The following ABCC9 variants were observed in gnomAD, a reference collection of about 807,000 sequenced individuals.
ABCC9 encodes ATP binding cassette subfamily C member 9, also known as ATP-binding cassette sub-family C member 9.
A neutral mutation model predicts 188.3 loss-of-function variants in ABCC9; 95 were observed. That is an observed-to-expected ratio of 0.50 (90% CI 0.43 to 0.60). ABCC9 has a LOEUF of 0.60. Ranked by LOEUF, ABCC9 falls within the 20% of genes least tolerant of loss-of-function variation. The pLI is 0.00. For synonymous variants in ABCC9, 659 were observed against 652.7 expected (o/e 1.01, Z -0.15); for missense variants, 1,102 against 1,876.3 (o/e 0.59, Z 7.62).
rs1591971573 is a variant in ABCC9 at position 21,818,168 on chromosome 12, A to T, written c.3753T>A (p.Gly1251=). ...TACCTACCGTAAGTGCATACAGAAG[A>T]CCCAAGCCTACCAATCCAGAATTCG... ...GSSNSGLVGL[G]LLYALTITNY... Residue 1251 remains glycine, a synonymous_variant, in exon 32 of 40, where the codon GGT becomes GGA. Coordinates refer to ENST00000261200, the MANE Select transcript of ABCC9 (RefSeq NM_020297.4). The T allele has an allele frequency of 5.0e-6, 8 of 1,613,380 alleles. No homozygotes were observed. Among genetic ancestry groups the T allele is most frequent in the Non-Finnish European group, 5.9e-6 (7 of 1,179,372 alleles).
chr12:21,906,002 T>C, intron 12 of ABCC9, 124 bp downstream of exon 12: 1 of 1,128,242 alleles, frequency 8.9e-7, no homozygotes, highest in Non-Finnish European at 1.3e-6. Context: ...AGCACGTGTT[T>C]AGAAAATAAA....
Position 21,917,073 on chromosome 12 carries a change from A to T in ABCC9, c.437T>A (p.Ile146Asn), listed in dbSNP as rs149325742. The T allele has an allele frequency of 7.4e-6, 12 of 1,613,756 alleles. No homozygotes were observed. The highest frequency in any genetic ancestry group is 1.0e-5 in the Non-Finnish European group (12 of 1,179,808). The change falls in exon 6 of 40, where the codon ATT becomes AAT. Residue 146 changes from isoleucine to asparagine, a missense_variant. Physicochemically the swap from Ile to Asn is moderately radical, Grantham distance 149. Transcript: ENST00000261200. ...CTTAACCAATTTTATTGTTTTTGTA[A>T]TAAAGGCCATTACCCAATACAGGAA... ...ALFLYWVMAF[I>N]TKTIKLVKYC... is the part of the protein sequence containing the mutation.
intron 7 of ABCC9, 56 bp from the exon 8 acceptor site, chr12:21,913,122 G>A: frequency 6.9e-7 from 1 of 1,454,198 alleles, no homozygotes; most frequent in Non-Finnish European, 9.4e-7. Flanking sequence ...ACTGCTTAGA[G>A]CAGTAACTAA....
In ABCC9 at chr12:21,882,780, C is replaced by T. The variant is rs762304330; in HGVS notation, c.2005G>A (p.Asp669Asn). 5 of 1,611,260 alleles carry T rather than the reference C, an allele frequency of 3.1e-6. No individual in the cohort carries two copies. In the East Asian group the frequency reaches 1.1e-4, roughly 36 times the overall value. ...ATAAAAATAACCTTTATTGCAATGT[C>T]CTCTGTTTCTGCGGGACGTAGACGC... ...TRRLRPAETE[D>N]IAIKVTNGYF... Residue 669 changes from aspartate to asparagine, a missense_variant, in exon 16 of 40, where the codon GAC (aspartate) becomes AAC (asparagine). Coordinates refer to ENST00000261200, the MANE Select transcript of ABCC9 (RefSeq NM_020297.4).
In ABCC9 at chr12:21,915,915, G is replaced by T. The variant is rs3759236; in HGVS notation, c.574-5C>A. 955,069 of 1,605,848 alleles carry T rather than the reference G, an allele frequency of 0.59. 286,598 individuals are homozygous for T. The highest frequency in any genetic ancestry group is 0.78 in the East Asian group (34,708 of 44,670). On this transcript the variant is annotated splice_region_variant and splice_polypyrimidine_tract_variant and intron_variant, in intron 6 of 39. Coordinates refer to ENST00000261200, the MANE Select transcript of ABCC9 (RefSeq NM_020297.4). The stretch of plus-strand genomic sequence containing the variant: ...ATTCATGAAAAATACATATCTCTGT[G>T]GCAAGAAAAATTCCACAGTATAACA...
In ABCC9 at chr12:21,887,911, A is replaced by T; in HGVS notation, c.1826T>A (p.Leu609His). 1 of 1,613,392 alleles carries T rather than the reference A, an allele frequency of 6.2e-7. No individual in the cohort carries two copies. The highest frequency in any genetic ancestry group is 8.5e-7 in the Non-Finnish European group (1 of 1,179,462). Residue 609 changes from leucine (L) to histidine (H), a missense_variant, in exon 15 of 40, where the codon CTC becomes CAC. Transcript: ENST00000261200. ...GTCGTCACCAATCTCATCACTCAAGAGAAACTCATTCAGCTTTTGAACACT... is the reference window on the plus strand; with the variant it reads ...GTCGTCACCAATCTCATCACTCAAGTGAAACTCATTCAGCTTTTGAACACT... ...IISVQKLNEF[L>H]LSDEIGDDSW... is the part of the protein sequence containing the mutation.
intron 33 of ABCC9, 129 bp from the exon 34 acceptor site, chr12:21,816,022 C>CAAACTATGT (rs1942593539): frequency 6.1e-6 from 1 of 165,096 alleles, no homozygotes; most frequent in African/African-American, 3.3e-5. Context: ...AATACTGAAC[C>CAAACTATGT]AAACTATGTG....
Position 21,818,213 on chromosome 12 carries a change from T to C in ABCC9, c.3708A>G (p.Ile1236Met), listed in dbSNP as rs1942785706. 3 of 1,613,994 alleles carry C rather than the reference T, an allele frequency of 1.9e-6. No individual in the cohort carries two copies. Among genetic ancestry groups the C allele is most frequent in the Middle Eastern group, 1.7e-4 (1 of 6,060 alleles). The change falls in exon 32 of 40, where the codon ATA (isoleucine) becomes ATG (methionine). Residue 1236 changes from isoleucine (I) to methionine (M), a missense_variant. Ile to Met is a conservative substitution (Grantham distance 10). Around this residue, in one of 12 missense-constraint regions of ABCC9, gnomAD observed 143 missense variants for 225.6 expected, o/e 0.63. Coordinates refer to ENST00000261200, the MANE Select transcript of ABCC9 (RefSeq NM_020297.4). Reference sequence around the variant, plus strand: ...AATTCGAAGACCCACTAATGGATGCTATAGATGCAGTGAGGACAATGCAAG... The same window carrying C: ...AATTCGAAGACCCACTAATGGATGCCATAGATGCAGTGAGGACAATGCAAG... ...LGACIVLTAS[I>M]ASISGSSNSG...
At position 21,799,031 on chromosome 12, in the gene ABCC9, G is replaced by T. The variant is rs529521421; in HGVS notation, c.*2013C>A. 6.8e-6 allele frequency: 1 copy of T among 146,172 alleles called. No individual in the cohort carries two copies. Among genetic ancestry groups the T allele is most frequent in the African/African-American group, 2.5e-5 (1 of 39,388 alleles). The allele number at this position is 146,172 out of a possible 1,614,324, so 9.1% of individuals were successfully genotyped here. On this transcript the variant is annotated 3_prime_UTR_variant, in exon 40 of 40. Coordinates refer to ENST00000261200, the MANE Select transcript of ABCC9 (RefSeq NM_020297.4). Reference sequence around the variant, plus strand: ...CAAACACCGCATATTCTCACTCATAGGTGGGAATTGAACAATGAGATCACA... The same window carrying T: ...CAAACACCGCATATTCTCACTCATATGTGGGAATTGAACAATGAGATCACA...
chr12:21,889,015 A>C (rs1386715652), intron 14 of ABCC9, among the ~76,000 whole-genome samples: 4 of 152,156 alleles, frequency 2.6e-5, no homozygotes, highest in Non-Finnish European at 5.9e-5. Context: ...TCTTTTTTAA[A>C]AATTTTATTT....
At chr12:21,903,129 C>G (rs1035086290) in intron 12 of ABCC9, among the ~76,000 whole-genome samples, 5 of 151,894 alleles carry the variant, frequency 3.3e-5, no homozygotes, top group African/African-American at 1.2e-4. Flanking sequence ...GATGCAAAGC[C>G]TCGTTCAACA....
intron 7 of ABCC9, among the ~76,000 whole-genome samples, 192 bp from the exon 8 acceptor site, chr12:21,913,258 C>CT (rs1948405216): frequency 6.6e-6 from 1 of 152,004 alleles, no homozygotes. Flanking sequence ...AAAATAGTAG[C>CT]TACTGAATGC....
intron 7 of ABCC9, among the ~76,000 whole-genome samples, chr12:21,914,703 A>G (rs957409672): frequency 6.6e-6 from 1 of 152,062 alleles, no homozygotes; most frequent in African/African-American, 2.4e-5. Context: ...CTTACTTTCC[A>G]CTTGGTGACA....
intron 16 of ABCC9, among the ~76,000 whole-genome samples, chr12:21,879,533 G>T (rs1269041296): frequency 6.6e-6 from 1 of 152,074 alleles, no homozygotes; most frequent in Non-Finnish European, 1.5e-5. Context: ...TAAAGGTGGT[G>T]GTTGCACAAC....
At chr12:21,834,108 A>G (rs1943936317) in intron 30 of ABCC9, among the ~76,000 whole-genome samples, 1 of 152,176 alleles carries the variant, frequency 6.6e-6, no homozygotes, top group Admixed American at 6.5e-5. Flanking sequence ...GGTTATCAAT[A>G]GCTTCATGGT....
In ABCC9 at chr12:21,913,016, C is replaced by T. The variant is rs757665666; in HGVS notation, c.867G>A (p.Met289Ile). 1 of 1,610,246 alleles carries T rather than the reference C, an allele frequency of 6.2e-7. No individual in the cohort carries two copies. Among genetic ancestry groups the T allele is most frequent in the Non-Finnish European group, 8.5e-7 (1 of 1,178,948 alleles). ...PNRTPSIWLA[M>I]YRAFGRPILL... is the part of the protein sequence containing the mutation. ...GAATTGGTCGCCCAAAAGCTCTGTA[C>T]ATTGCAAGCCATATAGATGGAGTCC... Residue 289 changes from methionine (M) to isoleucine (I), a missense_variant, in exon 8 of 40, where the codon ATG becomes ATA. By Grantham distance (10) the Met-to-Ile change is conservative. Coordinates refer to ENST00000261200, the MANE Select transcript of ABCC9 (RefSeq NM_020297.4).
intron 22 of ABCC9, among the ~76,000 whole-genome samples, chr12:21,858,521 G>T (rs1945342063): frequency 6.6e-6 from 1 of 151,750 alleles, no homozygotes; most frequent in East Asian, 1.9e-4. Flanking sequence ...GGAGGTTGCA[G>T]TGAGCTGAGA....
intron 39 of ABCC9, among the ~76,000 whole-genome samples, chr12:21,802,884 GA>G (rs1941557255): frequency 6.6e-6 from 1 of 152,060 alleles, no homozygotes; most frequent in Admixed American, 6.6e-5. Flanking sequence ...TATGCTTTCA[GA>G]AAAGCCAGCA....
intron 22 of ABCC9, among the ~76,000 whole-genome samples, chr12:21,853,285 G>A (rs1404256970): frequency 6.6e-6 from 1 of 152,070 alleles, no homozygotes; most frequent in African/African-American, 2.4e-5. Flanking sequence ...AGCCGAGATT[G>A]CGCCACTGCA....
Sources: allele counts gnomAD v4.1 joint callset (sites outside exome capture counted in the v4.1 genomes callset), GRCh38; gene constraint gnomAD v4.1.1; regional missense constraint gnomAD v4.1.1; transcripts MANE v1.5; gene names NCBI Gene and HGNC (gene_info 2026-07-23, HGNC 2026-07-21).